The following CADPS2 variants were observed in gnomAD, a reference collection of about 807,000 sequenced individuals.
CADPS2 encodes the protein calcium-dependent secretion activator 2.
In CADPS2, 93 loss-of-function variants were observed where a neutral mutation model predicts 172.5. That is an observed-to-expected ratio of 0.54 (90% CI 0.46 to 0.64). The LOEUF (loss-of-function observed/expected upper bound fraction) is 0.64, where lower values mean the gene tolerates loss of function less well. CADPS2 is among the 30% of genes least tolerant of loss of function. The pLI is 0.00. For missense variants in CADPS2, 1,420 were observed against 1,565.9 expected (o/e 0.91, Z 1.57); for synonymous variants, 546 against 555.2 (o/e 0.98, Z 0.23).
intron 1 of CADPS2, among the ~76,000 whole-genome samples, chr7:122,814,185 G>GGA (rs546648636): frequency 6.8e-6 from 1 of 146,128 alleles, no homozygotes; most frequent in African/African-American, 2.5e-5. Context: ...ATTTGGAAGG[G>GGA]AAAAAAAAAA....
In CADPS2 at chr7:122,886,207, G is replaced by A; in HGVS notation, c.131C>T (p.Ala44Val). 1.4e-6 allele frequency: 2 copies of A among 1,471,550 alleles called. No individual in the cohort carries two copies. Among genetic ancestry groups the A allele is most frequent in the Non-Finnish European group, 1.8e-6 (2 of 1,121,290 alleles). The allele number at this position is 1,471,550 out of a possible 1,614,324, so 91.2% of individuals were successfully genotyped here. A position where few individuals can be genotyped will look rare whatever the true frequency, so the allele number is the denominator to read the frequency against. The change falls in exon 1 of 30, where the codon GCG (alanine) becomes GTG (valine). Residue 44 changes from alanine to valine, a missense_variant. Coordinates refer to ENST00000449022, the MANE Select transcript of CADPS2 (RefSeq NM_017954.11). ...GCCGCCGCCGCCCGCGCGCCCCGGCGCGTCCCGCCGCCCTTCCCGAGTCGG... is the reference window on the plus strand; with the variant it reads ...GCCGCCGCCGCCCGCGCGCCCCGGCACGTCCCGCCGCCCTTCCCGAGTCGG... ...PAPTREGRRD[A>V]PGRAGGGGAA...
intron 12 of CADPS2, among the ~76,000 whole-genome samples, chr7:122,477,047 GAGAGAAGA>G (rs1563448847): frequency 2.8e-4 from 21 of 74,660 alleles, no homozygotes; most frequent in African/African-American, 4.8e-4. Context: ...GGAGAGGAGA[GAGAGAAGA>G]GAGAGAGAGA....
chr7:122,322,040 T>C (rs891504054), intron 29 of CADPS2, among the ~76,000 whole-genome samples: 1 of 148,640 alleles, frequency 6.7e-6, no homozygotes, highest in African/African-American at 2.5e-5. Context: ...AGTGAGATAA[T>C]TCTGAAAGGT....
chr7:122,379,950 C>G lies in CADPS2; in HGVS notation c.3313-508G>C, dbSNP rs1209589176. ...TCAGCACAGGGAGCAGCAGTTTATACAATTCTTACAATATGCTCGAGCAAG... is the reference window on the plus strand; with the variant it reads ...TCAGCACAGGGAGCAGCAGTTTATAGAATTCTTACAATATGCTCGAGCAAG... On this transcript the variant is annotated intron_variant, in intron 24 of 29. Transcript: ENST00000449022. 2.6e-5 allele frequency among the ~76,000 whole-genome samples: 4 copies of G among 152,098 alleles called. 1 individual carries two copies. The highest frequency in any genetic ancestry group is 1.3e-4 in the Admixed American group (2 of 15,268).
intron 25 of CADPS2, among the ~76,000 whole-genome samples, chr7:122,376,130 A>T (rs2042314872): frequency 6.6e-6 from 1 of 152,138 alleles, no homozygotes; most frequent in South Asian, 2.1e-4. Flanking sequence ...GTTGGTGGAT[A>T]TGTAAATTGG....
At chr7:122,343,047 G>A (rs1295376747) in intron 28 of CADPS2, among the ~76,000 whole-genome samples, 2 of 152,038 alleles carry the variant, frequency 1.3e-5, no homozygotes, top group African/African-American at 2.4e-5. Context: ...CTTTCAACAC[G>A]TACTTGATAA....
chr7:122,340,075 C>T (rs2036538430), intron 28 of CADPS2, among the ~76,000 whole-genome samples: 1 of 152,098 alleles, frequency 6.6e-6, no homozygotes, highest in Non-Finnish European at 1.5e-5. Flanking sequence ...CAATTTTACT[C>T]AAAATGTTTA....
At chr7:122,822,547 GAAAT>G (rs781379876) in intron 1 of CADPS2, among the ~76,000 whole-genome samples, 31 of 147,484 alleles carry the variant, frequency 2.1e-4, no homozygotes, top group Non-Finnish European at 3.7e-4. Context: ...TAAGAAGGCA[GAAAT>G]GTCAGGCCTC....
chr7:122,320,589 C>T (rs1387329304), intron 29 of CADPS2, among the ~76,000 whole-genome samples: 1 of 152,014 alleles, frequency 6.6e-6, no homozygotes, highest in Non-Finnish European at 1.5e-5. Flanking sequence ...ATTCACTTTC[C>T]CCTCAGAACA....
At chr7:122,799,508 C>T (rs948887708) in intron 1 of CADPS2, among the ~76,000 whole-genome samples, 1 of 149,596 alleles carries the variant, frequency 6.7e-6, no homozygotes, top group East Asian at 2.0e-4. Flanking sequence ...GAGGCTGAGG[C>T]GGGAGAATGG....
intron 8 of CADPS2, among the ~76,000 whole-genome samples, chr7:122,543,949 G>C (rs866675951): frequency 6.6e-6 from 1 of 151,986 alleles, no homozygotes; most frequent in African/African-American, 2.4e-5. Context: ...GAGAAGAACT[G>C]AAAGATCTTA....
intron 20 of CADPS2, 120 bp downstream of exon 20, chr7:122,407,420 T>C: frequency 9.0e-7 from 1 of 1,110,182 alleles, no homozygotes; most frequent in Non-Finnish European, 1.3e-6. Flanking sequence ...TGAGCAAACC[T>C]AAATGTTACC....
intron 2 of CADPS2, among the ~76,000 whole-genome samples, chr7:122,734,356 T>TAAAAAAAAAAAAAAAACAAAAAAAAAAA (rs2091944941): frequency 2.2e-5 from 1 of 46,294 alleles, no homozygotes; most frequent in Non-Finnish European, 3.7e-5. Flanking sequence ...CCAGAAATAG[T>TAAAAAAAAAAAAAAAACAAAAAAAAAAA]AAAAAAAAAA....
At chr7:122,741,360 A>G (rs2137990193) in intron 1 of CADPS2, among the ~76,000 whole-genome samples, 1 of 152,294 alleles carries the variant, frequency 6.6e-6, no homozygotes, top group South Asian at 2.1e-4. Context: ...AAATACAGGT[A>G]AAAGAGATTT....
chr7:122,337,312 C>T (rs1238528199), intron 28 of CADPS2, among the ~76,000 whole-genome samples: 1 of 152,210 alleles, frequency 6.6e-6, no homozygotes, highest in African/African-American at 2.4e-5. Flanking sequence ...AGACCTGCCA[C>T]ATATGTCCAG....
chr7:122,869,228 C>A (rs1203134589), intron 1 of CADPS2, among the ~76,000 whole-genome samples: 1 of 151,874 alleles, frequency 6.6e-6, no homozygotes, highest in East Asian at 1.9e-4. Context: ...TATGATGAAT[C>A]CAGAGACCCA....
intron 2 of CADPS2, among the ~76,000 whole-genome samples, chr7:122,678,761 C>G (rs1588354313): frequency 6.6e-6 from 1 of 152,114 alleles, no homozygotes; most frequent in South Asian, 2.1e-4. Context: ...CTTGTGACCT[C>G]TGGCCATAGG....
intron 1 of CADPS2, among the ~76,000 whole-genome samples, chr7:122,761,842 A>AT (rs2093390873): frequency 6.6e-6 from 1 of 150,678 alleles, no homozygotes; most frequent in African/African-American, 2.4e-5. Flanking sequence ...TGAAAAAAAA[A>AT]AAAAAATTAG....
intron 11 of CADPS2, among the ~76,000 whole-genome samples, chr7:122,483,055 T>C (rs2057463471): frequency 2.0e-5 from 3 of 152,110 alleles, no homozygotes; most frequent in Admixed American, 2.0e-4. Context: ...GGTCCAGAAA[T>C]GGGGAAAATG....
Sources: allele counts gnomAD v4.1 joint callset (sites outside exome capture counted in the v4.1 genomes callset), GRCh38; gene constraint gnomAD v4.1.1; transcripts MANE v1.5; gene names NCBI Gene and HGNC (gene_info 2026-07-23, HGNC 2026-07-21).